Variants in PTPRT observed in about 807,000 individuals in gnomAD.
The protein encoded by PTPRT is receptor-type tyrosine-protein phosphatase T.
In PTPRT, 56 loss-of-function variants were observed where a neutral mutation model predicts 176.8. The ratio of observed to expected loss-of-function variants is 0.32; its 90% CI spans 0.26 to 0.40. The LOEUF is 0.40. Among genes scored for constraint, PTPRT ranks in the 10% least tolerant of loss-of-function variants. The pLI is 1.00. For missense variants in PTPRT, 1,540 were observed against 1,908.2 expected, an observed-to-expected ratio of 0.81 and a Z score of 3.60; for synonymous variants, 783 against 739.0, an observed-to-expected ratio of 1.06 and a Z score of -0.96.
chr20:43,016,738 AT>A (rs1414346161), intron 1 of PTPRT, among the ~76,000 whole-genome samples: 1 of 151,380 alleles, frequency 6.6e-6, no homozygotes, highest in African/African-American at 2.4e-5. Flanking sequence ...GGATTTCACT[AT>A]GTTGGCCAGG....
intron 16 of PTPRT, among the ~76,000 whole-genome samples, chr20:42,166,474 C>T (rs1989829837): frequency 6.6e-6 from 1 of 152,196 alleles, no homozygotes; most frequent in South Asian, 2.1e-4. Flanking sequence ...TGCAGATCTA[C>T]ACAATTACAT....
intron 9 of PTPRT, among the ~76,000 whole-genome samples, chr20:42,434,289 C>T (rs187329335): frequency 6.6e-5 from 10 of 152,046 alleles, no homozygotes; most frequent in South Asian, 2.1e-4. Context: ...ATATCTCTTA[C>T]GCCTGTTGCC....
Position 42,178,991 on chromosome 20 carries a change from A to G in PTPRT, c.2492-17449T>C, listed in dbSNP as rs1990407987. On this transcript the variant is annotated intron_variant, in intron 16 of 30. Transcript: ENST00000373187. ...CTTGAAAGGGACATCTCATCACTTT[A>G]TCATATCCTATTCATTGGAAGCCAG... Among the ~76,000 whole-genome samples the G allele has an allele frequency of 3.3e-5, 5 of 152,320 alleles. No homozygotes were observed. The South Asian group carries it at 1.0e-3, about 32-fold the overall frequency.
At chr20:43,188,440 C>T (rs555232901) in intron 1 of PTPRT, among the ~76,000 whole-genome samples, 3 of 152,182 alleles carry the variant, frequency 2.0e-5, no homozygotes, top group Non-Finnish European at 4.4e-5. Context: ...AATGTCCTTC[C>T]AGCGGCCCTT....
In PTPRT at chr20:42,350,685, G is replaced by A. The variant is rs2058270131; in HGVS notation, c.1808C>T (p.Thr603Ile). The change falls in exon 11 of 31, where the codon ACA (threonine) becomes ATA (isoleucine). Residue 603 changes from threonine to isoleucine, a missense_variant. Around this residue, in one of 11 missense-constraint regions of PTPRT, gnomAD observed 4 missense variants for 19.5 expected, o/e 0.21. Transcript: ENST00000373187. ...CAGCATCACTGTGATGGTCGTGTCT[G>A]TCTCATTCAATGGGGTGTCTGTGTC... ...EYDTDTPLNETDTTITVMLKP... is the reference protein window; with the variant it reads ...EYDTDTPLNEIDTTITVMLKP... The A allele has an allele frequency of 6.2e-7, 1 of 1,613,812 alleles. No homozygotes were observed. The highest frequency in any genetic ancestry group is 1.3e-5 in the African/African-American group (1 of 74,932).
chr20:42,941,081 CA>C (rs540543601), intron 1 of PTPRT, among the ~76,000 whole-genome samples: 7 of 148,070 alleles, frequency 4.7e-5, no homozygotes, highest in Admixed American at 1.3e-4. Context: ...GACTCCATCT[CA>C]AAAAAAAATA....
chr20:42,894,230 G>C lies in PTPRT; in HGVS notation c.89-8298C>G, dbSNP rs920083370. Among the ~76,000 whole-genome samples the C allele has an allele frequency of 4.6e-5, 7 of 152,122 alleles. No homozygotes were observed. In the South Asian group the frequency reaches 8.3e-4, roughly 18 times the overall value. ...CAAGGAGAAATGAGAGTATTTGCGA[G>C]AGGACCAGAATGACAGCTGAGACTG... is the stretch of plus-strand genomic sequence containing the variant. On this transcript the variant is annotated intron_variant, in intron 1 of 30. Coordinates refer to ENST00000373187, the MANE Select transcript of PTPRT (RefSeq NM_007050.6).
At chr20:42,626,162 T>G (rs906342482) in intron 7 of PTPRT, among the ~76,000 whole-genome samples, 19 of 152,154 alleles carry the variant, frequency 1.2e-4, no homozygotes, top group Non-Finnish European at 2.5e-4. Flanking sequence ...TACTTGTATA[T>G]ATTTTGAGGC....
At chr20:42,919,527 AG>A (rs1310650673) in intron 1 of PTPRT, among the ~76,000 whole-genome samples, 3 of 152,110 alleles carry the variant, frequency 2.0e-5, no homozygotes, top group Non-Finnish European at 4.4e-5. Flanking sequence ...TTCCAAAAAC[AG>A]GGGTTCTATG....
At chr20:42,167,159 G>C (rs543004747) in intron 16 of PTPRT, among the ~76,000 whole-genome samples, 6 of 152,282 alleles carry the variant, frequency 3.9e-5, no homozygotes, top group African/African-American at 1.4e-4. Flanking sequence ...TGGTATCCAG[G>C]AAGCAGTAAA....
chr20:42,276,584 G>C (rs1264480775), intron 13 of PTPRT, among the ~76,000 whole-genome samples: 1 of 124,248 alleles, frequency 8.0e-6, no homozygotes, highest in Non-Finnish European at 1.7e-5. Context: ...TTGGTAGAAA[G>C]GGCTACCGAT....
rs1213975365 is a variant in PTPRT, at chr20:43,051,929, A to T, written c.88+137717T>A. Among the ~76,000 whole-genome samples the T allele has an allele frequency of 2.0e-5, 3 of 152,222 alleles. No homozygotes were observed. In the East Asian group the frequency reaches 5.8e-4, roughly 29 times the overall value. On this transcript the variant is annotated intron_variant, in intron 1 of 30. Coordinates refer to ENST00000373187, the MANE Select transcript of PTPRT (RefSeq NM_007050.6). ...CAATTATCAAAAAAAATTACTTGAA[A>T]ATGTAGCAAATTTTAAAAAGCTAAA...
intron 6 of PTPRT, among the ~76,000 whole-genome samples, chr20:42,725,009 T>TGTGTGTG (rs1569113401): frequency 1.1e-4 from 15 of 134,042 alleles, no homozygotes; most frequent in African/African-American, 3.4e-4. Flanking sequence ...TGGACATCTT[T>TGTGTGTG]TGTGTGTGTG....
At chr20:42,169,413 C>G (rs1989977204) in intron 16 of PTPRT, among the ~76,000 whole-genome samples, 1 of 152,054 alleles carries the variant, frequency 6.6e-6, no homozygotes, top group Non-Finnish European at 1.5e-5. Flanking sequence ...GTGTTAGACA[C>G]TCTATGTAGG....
At chr20:42,072,448 TG>T (rs1331022279), downstream of PTPRT, among the ~76,000 whole-genome samples, 3 of 152,230 alleles carry the variant, frequency 2.0e-5, no homozygotes, top group African/African-American at 7.2e-5. Flanking sequence ...TGTGATTCTC[TG>T]GGCTTAGGAA....
At chr20:42,956,208 T>C (rs1175868374) in intron 1 of PTPRT, among the ~76,000 whole-genome samples, 2 of 152,162 alleles carry the variant, frequency 1.3e-5, no homozygotes, top group African/African-American at 4.8e-5. Context: ...GTTTGGATGT[T>C]ATCCCCTCTA....
intron 2 of PTPRT, among the ~76,000 whole-genome samples, chr20:42,853,681 A>G (rs1223401833): frequency 6.6e-6 from 1 of 152,194 alleles, no homozygotes; most frequent in Non-Finnish European, 1.5e-5. Context: ...TCAAATGCTA[A>G]TCTCATCTAG....
At chr20:43,066,928 C>CA (rs1235926792) in intron 1 of PTPRT, among the ~76,000 whole-genome samples, 1 of 152,212 alleles carries the variant, frequency 6.6e-6, no homozygotes, top group African/African-American at 2.4e-5. Flanking sequence ...TTAATTATGA[C>CA]AGAGACCCTG....
chr20:42,558,008 G>A (rs35581155), intron 7 of PTPRT, among the ~76,000 whole-genome samples: 33,598 of 152,134 alleles, frequency 0.22, 4,051 homozygotes, highest in African/African-American at 0.31. Context: ...TTACATTCAG[G>A]GGTATAAGTA....
Sources: gnomAD v4.1 joint callset for allele counts (sites outside exome capture counted in the v4.1 genomes callset) on GRCh38, gnomAD v4.1.1 for gene constraint, gnomAD v4.1.1 regional missense constraint, MANE v1.5 for transcripts, NCBI Gene and HGNC (gene_info 2026-07-23, HGNC 2026-07-21) for gene names.